MAGI2: variants seen among roughly 807,000 people sequenced by gnomAD.
MAGI2 encodes membrane-associated guanylate kinase, WW and PDZ domain-containing protein 2.
Under a neutral mutation model 133.3 loss-of-function variants are expected in MAGI2, and 35 were observed. The observed-to-expected ratio is 0.26, with a 90% CI of 0.20 to 0.35. MAGI2 has a LOEUF of 0.35. Ranked by LOEUF, MAGI2 falls within the 10% of genes least tolerant of loss-of-function variation. The probability of loss-of-function intolerance (pLI) is 1.00; values close to 1 mark genes in which losing one functional copy is unlikely to be tolerated. For missense variants in MAGI2, 1,636 were observed against 1,863.4 expected (o/e 0.88, Z 2.25); for synonymous variants, 729 against 710.6 (o/e 1.03, Z -0.41).
At chr7:78,492,215 G>A (rs1793688290) in intron 5 of MAGI2, among the ~76,000 whole-genome samples, 1 of 152,004 alleles carries the variant, frequency 6.6e-6, no homozygotes, top group Non-Finnish European at 1.5e-5. Flanking sequence ...GCTTTCCTGA[G>A]TTTATATAAA....
intron 9 of MAGI2, among the ~76,000 whole-genome samples, chr7:78,294,777 G>A (rs1223216340): frequency 3.3e-5 from 5 of 152,052 alleles, no homozygotes; most frequent in Non-Finnish European, 5.9e-5. Flanking sequence ...ACAATACACG[G>A]TTTCATCATT....
rs1356053225 is a variant in MAGI2 at position 79,127,978 on chromosome 7, A to C, written c.302-120772T>G. Among the ~76,000 whole-genome samples the C allele has an allele frequency of 4.6e-5, 7 of 152,112 alleles. 1 individual carries two copies. The highest frequency in any genetic ancestry group is 4.6e-4 in the Admixed American group (7 of 15,262). The stretch of plus-strand genomic sequence containing the variant: ...ATTCATCTTGAATTAATTTTTGTAT[A>C]AGGTGTAAGGAAGGGATCCAGTTTC... On this transcript the variant is annotated intron_variant, in intron 1 of 21. Transcript: ENST00000354212.
rs537558784 is a variant in MAGI2, at chr7:78,497,589, T to C, written c.965+3988A>G. Among the ~76,000 whole-genome samples the C allele has an allele frequency of 6.6e-5, 10 of 152,286 alleles. No homozygotes were observed. The South Asian group carries it at 1.9e-3, about 28-fold the overall frequency. ...AACCAATAAATATTTCAAAACATTA[T>C]TGCATAAAAAAAGACAAGTAAATGG... On this transcript the variant is annotated intron_variant, in intron 5 of 21. Transcript: ENST00000354212.
chr7:78,858,885 G>T (rs546564717), intron 2 of MAGI2, among the ~76,000 whole-genome samples: 1 of 152,148 alleles, frequency 6.6e-6, no homozygotes, highest in African/African-American at 2.4e-5. Context: ...TCTCTTTGTA[G>T]GTCTCTAAGG....
Position 79,237,642 on chromosome 7 carries a change from C to T in MAGI2, c.301+215378G>A, listed in dbSNP as rs1585290473. ...CTCTCCATACTCATGCCAACACTCA[C>T]AGTTGGAGTTCTCTACCTATTATAT... On this transcript the variant is annotated intron_variant, in intron 1 of 21. Transcript: ENST00000354212. 2.0e-5 allele frequency among the ~76,000 whole-genome samples: 3 copies of T among 152,330 alleles called. No homozygotes were observed. In the South Asian group the frequency reaches 6.2e-4, roughly 32 times the overall value.
intron 2 of MAGI2, among the ~76,000 whole-genome samples, chr7:78,887,718 T>A (rs572062107): frequency 2.0e-4 from 30 of 152,210 alleles, no homozygotes; most frequent in Admixed American, 5.9e-4. Context: ...AATGTAGACT[T>A]ACAGAGCACT....
chr7:78,923,592 T>C (rs578216114), intron 2 of MAGI2, among the ~76,000 whole-genome samples: 1 of 152,352 alleles, frequency 6.6e-6, no homozygotes, highest in East Asian at 1.9e-4. Context: ...TTTTGATTAT[T>C]ATAGCCTTGT....
chr7:79,359,572 G>A (rs1166290250), intron 1 of MAGI2, among the ~76,000 whole-genome samples: 1 of 150,904 alleles, frequency 6.6e-6, no homozygotes, highest in Non-Finnish European at 1.5e-5. Context: ...TAAAGACAAA[G>A]AAAAACCCTA....
At chr7:79,104,802 G>T (rs982317441) in intron 1 of MAGI2, among the ~76,000 whole-genome samples, 1 of 152,118 alleles carries the variant, frequency 6.6e-6, no homozygotes, top group Non-Finnish European at 1.5e-5. Context: ...CTTTGGTGAG[G>T]TTCATTGCAA....
chr7:78,397,275 G>A (rs979657910), intron 6 of MAGI2, among the ~76,000 whole-genome samples: 2 of 151,508 alleles, frequency 1.3e-5, no homozygotes, highest in African/African-American at 2.4e-5. Flanking sequence ...AAGCAGAGAA[G>A]GATTGAGTCT....
chr7:78,196,338 C>T (rs73703725), intron 11 of MAGI2, among the ~76,000 whole-genome samples: 310 of 152,152 alleles, frequency 2.0e-3, no homozygotes, highest in African/African-American at 4.1e-3. Flanking sequence ...ACAGATCAGA[C>T]GCAAACAGGG....
intron 2 of MAGI2, among the ~76,000 whole-genome samples, chr7:78,719,638 T>C (rs992885264): frequency 6.6e-6 from 1 of 152,214 alleles, no homozygotes; most frequent in Non-Finnish European, 1.5e-5. Flanking sequence ...ACAAAGGTCA[T>C]GCCAAGGGTT....
chr7:79,166,361 G>A (rs770771374), intron 1 of MAGI2, among the ~76,000 whole-genome samples: 8 of 152,030 alleles, frequency 5.3e-5, no homozygotes, highest in Non-Finnish European at 8.8e-5. Context: ...CCATAAGAAG[G>A]CAGGGACCCT....
intron 5 of MAGI2, 88 bp downstream of exon 5, chr7:78,501,484 CTTTTT>C: frequency 4.8e-6 from 4 of 834,658 alleles, no homozygotes; most frequent in Non-Finnish European, 5.4e-6. Flanking sequence ...ATGTTTTTTT[CTTTTT>C]TTTTTTTTTT....
At chr7:79,201,486 T>C (rs924997696) in intron 1 of MAGI2, among the ~76,000 whole-genome samples, 1 of 152,038 alleles carries the variant, frequency 6.6e-6, no homozygotes, top group Admixed American at 6.5e-5. Context: ...TTTCCAAGTA[T>C]ATTCCATGAA....
intron 3 of MAGI2, among the ~76,000 whole-genome samples, chr7:78,559,136 C>CAAAAAAAAAAAAAAAA (rs71085541): frequency 7.3e-5 from 4 of 54,726 alleles, no homozygotes; most frequent in Non-Finnish European, 9.1e-5. Context: ...TCTGAATTTC[C>CAAAAAAAAAAAAAAAA]AAAAAAAAAA....
At chr7:78,089,874 C>T (rs1160599533) in intron 20 of MAGI2, among the ~76,000 whole-genome samples, 1 of 152,164 alleles carries the variant, frequency 6.6e-6, no homozygotes, top group Non-Finnish European at 1.5e-5. Context: ...CCTCCTCAAA[C>T]ACCTCCCCTC....
At chr7:78,275,925 T>C (rs756559405) in intron 9 of MAGI2, among the ~76,000 whole-genome samples, 5 of 152,194 alleles carry the variant, frequency 3.3e-5, no homozygotes, top group African/African-American at 7.2e-5. Context: ...ACACTGTATT[T>C]TCAGTTTTAG....
chr7:79,153,249 A>G (rs993084029), intron 1 of MAGI2, among the ~76,000 whole-genome samples: 4 of 152,166 alleles, frequency 2.6e-5, no homozygotes, highest in Non-Finnish European at 5.9e-5. Context: ...CATTTATTTC[A>G]TGTCTTCAAG....
Sources: allele counts gnomAD v4.1 joint callset (sites outside exome capture counted in the v4.1 genomes callset), GRCh38; gene constraint gnomAD v4.1.1; transcripts MANE v1.5; gene names NCBI Gene and HGNC (gene_info 2026-07-23, HGNC 2026-07-21).